Variants in HMGCLL1 observed in about 807,000 individuals in gnomAD.
HMGCLL1 encodes the protein 3-hydroxy-3-methylglutaryl-CoA lyase like 1, also known as 3-hydroxymethyl-3-methylglutaryl-CoA lyase, cytoplasmic.
A neutral mutation model predicts 39.1 loss-of-function variants in HMGCLL1; 36 were observed. That is an observed-to-expected ratio of 0.92 (90% CI 0.71 to 1.22). The LOEUF (loss-of-function observed/expected upper bound fraction) is 1.22, where lower values mean the gene tolerates loss of function less well. Ranked by LOEUF, HMGCLL1 falls within the 50% of genes most tolerant of loss-of-function variation. The pLI, the probability that HMGCLL1 is intolerant of heterozygous loss-of-function variation, is 0.00. For missense variants in HMGCLL1, 451 were observed against 416.5 expected (o/e 1.08, Z -0.72); for synonymous variants, 149 against 144.0 (o/e 1.03, Z -0.25).
At chr6:55,632,452 A>C in the HMGCLL1 span, among the ~76,000 whole-genome samples, 2 of 150,806 alleles carry the variant, frequency 1.3e-5, no homozygotes, top group African/African-American at 4.8e-5. Context: ...TGTTTCATAT[A>C]AAGTTATATA....
the HMGCLL1 span, among the ~76,000 whole-genome samples, chr6:55,661,775 A>T: frequency 6.6e-6 from 1 of 151,906 alleles, no homozygotes; most frequent in Admixed American, 6.6e-5. Flanking sequence ...TTTGATAGGA[A>T]TAGCATTGAA....
rs201420640 is a variant in HMGCLL1 at position 55,568,858 on chromosome 6, C to CAT, written c.108+10089_108+10090insAT. 3.3e-3 allele frequency among the ~76,000 whole-genome samples: 500 copies of CAT among 151,896 alleles called. 5 individuals carry two copies. Among genetic ancestry groups the CAT allele is most frequent in the African/African-American group, 0.011 (472 of 41,376 alleles). ...TGATTAGGGGAAGTAAAATGAAACA[C>CAT]ACACACACACACACACAAACAGCTA... is the stretch of plus-strand genomic sequence containing the variant. On this transcript the variant is annotated intron_variant, in intron 1 of 8. Coordinates refer to ENST00000274901, the MANE Select transcript of HMGCLL1 (RefSeq NM_001042406.2).
the HMGCLL1 span, among the ~76,000 whole-genome samples, chr6:55,663,623 T>C: frequency 1.4e-4 from 22 of 151,912 alleles, no homozygotes; most frequent in Non-Finnish European, 2.7e-4. Flanking sequence ...GTAGGTGCCA[T>C]GTGGTGATCA....
At chr6:55,615,704 T>C in the HMGCLL1 span, among the ~76,000 whole-genome samples, 1 of 152,162 alleles carries the variant, frequency 6.6e-6, no homozygotes, top group Non-Finnish European at 1.5e-5. Context: ...AGCCACTTCA[T>C]TGTTAACTAC....
intron 1 of HMGCLL1, among the ~76,000 whole-genome samples, chr6:55,543,020 A>G (rs1448039139): frequency 5.1e-5 from 6 of 118,338 alleles, no homozygotes; most frequent in African/African-American, 1.3e-4. Context: ...TATATCATAT[A>G]TAGATATATA....
At chr6:55,438,063 C>G (rs1763440543) in intron 8 of HMGCLL1, among the ~76,000 whole-genome samples, 1 of 151,990 alleles carries the variant, frequency 6.6e-6, no homozygotes, top group Non-Finnish European at 1.5e-5. Context: ...TGCATTTGGA[C>G]TCCAGAGTTA....
At chr6:55,463,792 C>T (rs1415740323) in intron 7 of HMGCLL1, among the ~76,000 whole-genome samples, 4 of 152,112 alleles carry the variant, frequency 2.6e-5, no homozygotes, top group Non-Finnish European at 4.4e-5. Context: ...CCACGTATTC[C>T]TGCTTTCCTG....
intron 7 of HMGCLL1, among the ~76,000 whole-genome samples, chr6:55,484,211 C>T (rs1022555481): frequency 2.6e-5 from 4 of 152,098 alleles, no homozygotes; most frequent in Admixed American, 6.6e-5. Flanking sequence ...CCTCATCATA[C>T]GTGACCCATA....
At chr6:55,549,191 A>C (rs2127463402) in intron 1 of HMGCLL1, among the ~76,000 whole-genome samples, 2 of 151,994 alleles carry the variant, frequency 1.3e-5, no homozygotes, top group South Asian at 4.1e-4. Flanking sequence ...GATAGTAATA[A>C]AAGTGTTACT....
chr6:55,640,674 C>T, the HMGCLL1 span, among the ~76,000 whole-genome samples: 51,351 of 151,258 alleles, frequency 0.34, 9,016 homozygotes, highest in African/African-American at 0.42. Context: ...TAGGCACATG[C>T]TACATTATTC....
chr6:55,506,461 C>T (rs1767168184), intron 5 of HMGCLL1, among the ~76,000 whole-genome samples: 1 of 151,620 alleles, frequency 6.6e-6, no homozygotes, highest in African/African-American at 2.4e-5. Flanking sequence ...TAAGGTTTTA[C>T]TTTCTGCAGT....
In HMGCLL1 at chr6:55,493,793, T is replaced by C. The variant is rs1766442146; in HGVS notation, c.795+1626A>G. Among the ~76,000 whole-genome samples, 5 of 151,866 alleles carry C rather than the reference T, an allele frequency of 3.3e-5. No homozygotes were observed. In the South Asian group the frequency reaches 1.0e-3, roughly 32 times the overall value. On this transcript the variant is annotated intron_variant, in intron 7 of 8. Transcript: ENST00000274901. ...TGTCGCCCAGGCTGCAGTGCAGTGG[T>C]ACGATCTCGGCTCACTGCAAGCTCT...
the HMGCLL1 span, among the ~76,000 whole-genome samples, chr6:55,651,419 C>G: frequency 6.6e-6 from 1 of 152,090 alleles, no homozygotes; most frequent in East Asian, 1.9e-4. Flanking sequence ...CAACTCTGCC[C>G]TATGCCTTAT....
chr6:55,622,893 G>A, the HMGCLL1 span, among the ~76,000 whole-genome samples: 30 of 152,012 alleles, frequency 2.0e-4, no homozygotes, highest in Non-Finnish European at 3.5e-4. Flanking sequence ...TGGGTCCTGG[G>A]CTTTTCTTTG....
At chr6:55,498,008 A>C (rs771679391) in intron 6 of HMGCLL1, among the ~76,000 whole-genome samples, 2 of 152,186 alleles carry the variant, frequency 1.3e-5, no homozygotes, top group African/African-American at 2.4e-5. Context: ...AAAATGTATT[A>C]GAATCACACA....
the HMGCLL1 span, among the ~76,000 whole-genome samples, chr6:55,635,756 T>G: frequency 6.6e-6 from 1 of 152,156 alleles, no homozygotes; most frequent in African/African-American, 2.4e-5. Flanking sequence ...GCTCAAGTGG[T>G]AGGACAGAGG....
At chr6:55,451,644 C>T (rs1764089778) in intron 7 of HMGCLL1, among the ~76,000 whole-genome samples, 1 of 152,104 alleles carries the variant, frequency 6.6e-6, no homozygotes, top group African/African-American at 2.4e-5. Context: ...GAACTTAGAA[C>T]TTAGGCCTTT....
At chr6:55,494,115 G>A (rs146673740) in intron 7 of HMGCLL1, among the ~76,000 whole-genome samples, 1 of 152,188 alleles carries the variant, frequency 6.6e-6, no homozygotes, top group East Asian at 1.9e-4. Context: ...CCGCATTGGG[G>A]TATTAGCAAT....
chr6:55,508,771 C>T (rs540233103), intron 5 of HMGCLL1, among the ~76,000 whole-genome samples: 1 of 151,964 alleles, frequency 6.6e-6, no homozygotes, highest in Admixed American at 6.6e-5. Context: ...TACCATTCAA[C>T]CACAATCCGT....
Sources: gnomAD v4.1 joint callset for allele counts (sites outside exome capture counted in the v4.1 genomes callset) on GRCh38, gnomAD v4.1.1 for gene constraint, MANE v1.5 for transcripts, NCBI Gene and HGNC (gene_info 2026-07-23, HGNC 2026-07-21) for gene names.